Variants in CSPG4 observed in about 807,000 individuals in gnomAD.
The protein encoded by CSPG4 is chondroitin sulfate proteoglycan 4 (melanoma-associated).
A neutral mutation model predicts 139.3 loss-of-function variants in CSPG4; 74 were observed. The observed-to-expected ratio is 0.53, with a 90% confidence interval of 0.44 to 0.64. The LOEUF (loss-of-function observed/expected upper bound fraction) is 0.64, where lower values mean the gene tolerates loss of function less well. Ranked by LOEUF, CSPG4 falls within the 30% of genes least tolerant of loss-of-function variation. The probability of loss-of-function intolerance (pLI) is 0.00; values close to 1 mark genes in which losing one functional copy is unlikely to be tolerated. For missense variants in CSPG4, 2,565 were observed against 3,148.3 expected (o/e 0.81, Z 4.43); for synonymous variants, 1,234 against 1,394.2 (o/e 0.89, Z 2.56).
chr15:75,697,373 G>A (rs1894242131), intron 1 of CSPG4, among the ~76,000 whole-genome samples: 1 of 152,214 alleles, frequency 6.6e-6, no homozygotes, highest in African/African-American at 2.4e-5. Context: ...CCCTCCATGG[G>A]TGCTGAGTCC....
intron 9 of CSPG4, 56 bp from the exon 10 acceptor site, chr15:75,677,440 C>T (rs11853792): frequency 0.14 from 192,051 of 1,397,756 alleles, 14,365 homozygotes; most frequent in Middle Eastern, 0.26. Context: ...GAGTGATGGA[C>T]CCTCAGCTGG....
In CSPG4 at chr15:75,696,457, T is replaced by C; in HGVS notation, c.89-3224A>G. Among the ~76,000 whole-genome samples, 1 of 152,036 alleles carries C rather than the reference T, an allele frequency of 6.6e-6. No homozygotes were observed. The highest frequency in any genetic ancestry group is 1.5e-5 in the Non-Finnish European group (1 of 67,990). On this transcript the variant is annotated intron_variant, in intron 1 of 9. Coordinates refer to ENST00000308508, the MANE Select transcript of CSPG4 (RefSeq NM_001897.5). The surrounding 1 kb of genome is among the most constrained non-coding windows in gnomAD (Gnocchi z 4.2). ...GTGTATTTGTGTGTGCGCAAGCATG[T>C]GGGTGGCTGCTGGGGGTGTGCTTTG...
Position 75,689,380 on chromosome 15 carries a change from A to T in CSPG4, c.1685T>A (p.Leu562His). The T allele has an allele frequency of 6.2e-7, 1 of 1,612,558 alleles. No homozygotes were observed. Among genetic ancestry groups the T allele is most frequent in the Non-Finnish European group, 8.5e-7 (1 of 1,179,862 alleles). The change falls in exon 3 of 10, where the codon CTC becomes CAC. Residue 562 changes from leucine to histidine, a missense_variant. This residue lies in a region of CSPG4 where 2,316 missense variants were observed against 2,818.2 expected (regional missense o/e 0.82). Coordinates refer to ENST00000308508, the MANE Select transcript of CSPG4 (RefSeq NM_001897.5). ...CTGCGTGTGTTCCAGGATCACCATGAGGCTGCCATGTGGGAAGATGATGTG... is the reference window on the plus strand; with the variant it reads ...CTGCGTGTGTTCCAGGATCACCATGTGGCTGCCATGTGGGAAGATGATGTG... ...PPHIIFPHGS[L>H]MVILEHTQKP...
intron 5 of CSPG4, 54 bp downstream of exon 5, chr15:75,684,682 A>AC: frequency 6.4e-7 from 1 of 1,557,952 alleles, no homozygotes; most frequent in Non-Finnish European, 8.8e-7. Flanking sequence ...GAAGTAGGGG[A>AC]CGCTGGCCTC....
Position 75,689,644 on chromosome 15 carries a change from C to T in CSPG4, c.1421G>A (p.Arg474Gln), listed in dbSNP as rs200809992. 1.2e-5 allele frequency: 20 copies of T among 1,612,896 alleles called. No individual in the cohort carries two copies. Among genetic ancestry groups the T allele is most frequent in the South Asian group, 4.4e-5 (4 of 91,070 alleles). Residue 474 changes from arginine to glutamine, a missense_variant, in exon 3 of 10, where the codon CGA becomes CAA. Arg to Gln is a conservative substitution (Grantham distance 43, BLOSUM62 1). Around this residue, in one of 5 missense-constraint regions of CSPG4, gnomAD observed 2,316 missense variants for 2,818.2 expected, o/e 0.82. Transcript: ENST00000308508. ...RKSQVLFSVT[R>Q]GARHGELELD... Reference sequence around the variant, plus strand: ...CTCGAGCTCGCCATGGCGTGCCCCTCGGGTCACGCTGAACAGCACCTGGGA... The same window carrying T: ...CTCGAGCTCGCCATGGCGTGCCCCTTGGGTCACGCTGAACAGCACCTGGGA...
intron 5 of CSPG4, 76 bp from the exon 6 acceptor site, chr15:75,683,117 C>T (rs1894002323): frequency 7.0e-7 from 1 of 1,421,672 alleles, no homozygotes; most frequent in Admixed American, 1.9e-5. Flanking sequence ...GGGCTGCCAC[C>T]AGGGCTCCAG....
Position 75,674,852 on chromosome 15 carries a change from C to T in CSPG4, c.*698G>A, listed in dbSNP as rs969124023. ...GCTGCAGACCCTCCTCCATCCCACA[C>T]CCCCAGGGGCTCCATCAGTCCTGGC... On this transcript the variant is annotated 3_prime_UTR_variant, in exon 10 of 10. Coordinates refer to ENST00000308508, the MANE Select transcript of CSPG4 (RefSeq NM_001897.5). 2.5e-6 allele frequency: 1 copy of T among 398,584 alleles called. No individual in the cohort carries two copies. The highest frequency in any genetic ancestry group is 4.4e-6 in the Non-Finnish European group (1 of 226,088). The allele number at this position is 398,584 out of a possible 1,614,324, so 24.7% of individuals were successfully genotyped here.
In CSPG4 at chr15:75,687,575, C is replaced by T; in HGVS notation, c.3490G>A (p.Val1164Ile). Residue 1164 changes from valine (V) to isoleucine (I), a missense_variant, in exon 3 of 10, where the codon GTC becomes ATC. Physicochemically the swap from Val to Ile is conservative, Grantham distance 29. Around this residue, in one of 5 missense-constraint regions of CSPG4, gnomAD observed 2,316 missense variants for 2,818.2 expected, o/e 0.82. Transcript: ENST00000308508. This position sits in a 1 kb window ranked among gnomAD's most constrained non-coding sequence, Gnocchi z 5.4. Reference sequence around the variant, plus strand: ...GGGCCAGCTGTGACGTGGTAGTGGACCTCATCCCCACTGCGGATGTCGAGG... The same window carrying T: ...GGGCCAGCTGTGACGTGGTAGTGGATCTCATCCCCACTGCGGATGTCGAGG... Reference protein sequence around the residue: ...TNLDIRSGDEVHYHVTAGPRW... With the variant: ...TNLDIRSGDEIHYHVTAGPRW... 1 of 1,610,552 alleles carries T rather than the reference C, an allele frequency of 6.2e-7. No individual in the cohort carries two copies. The highest frequency in any genetic ancestry group is 1.1e-5 in the South Asian group (1 of 90,838).
At position 75,690,449 on chromosome 15, in the gene CSPG4, A is replaced by G. The variant is rs1894148550; in HGVS notation, c.616T>C (p.Phe206Leu). Residue 206 changes from phenylalanine (F) to leucine (L), a missense_variant, in exon 3 of 10, where the codon TTC (phenylalanine) becomes CTC (leucine). Phe to Leu is a conservative substitution (Grantham distance 22). Coordinates refer to ENST00000308508, the MANE Select transcript of CSPG4 (RefSeq NM_001897.5). ...GCAGCCAGAGAGTGGGGCCCAGAGA[A>G]GCCCAGGGCCACATCATCACTGGCA... Reference protein sequence around the residue: ...FSASDDVALGFSGPHSLAAFP... With the variant: ...FSASDDVALGLSGPHSLAAFP... 1 of 1,606,978 alleles carries G rather than the reference A, an allele frequency of 6.2e-7. No homozygotes were observed. Among genetic ancestry groups the G allele is most frequent in the Non-Finnish European group, 8.5e-7 (1 of 1,177,032 alleles).
intron 2 of CSPG4, among the ~76,000 whole-genome samples, chr15:75,691,582 G>C (rs1894165865): frequency 6.6e-6 from 1 of 152,152 alleles, no homozygotes; most frequent in Non-Finnish European, 1.5e-5. Flanking sequence ...AAGGCAGCCA[G>C]GCTCACTGTT....
chr15:75,698,595 G>A lies in CSPG4; in HGVS notation c.89-5362C>T, dbSNP rs1453097486. ...CATGTACACACGTGTGTGGCGGCAA[G>A]GCAGGCGAGGAAGGGGTGCGCTGGG... is the stretch of plus-strand genomic sequence containing the variant. On this transcript the variant is annotated intron_variant, in intron 1 of 9. Coordinates refer to ENST00000308508, the MANE Select transcript of CSPG4 (RefSeq NM_001897.5). This position sits in a 1 kb window ranked among gnomAD's most constrained non-coding sequence, Gnocchi z 4.3. 6.6e-6 allele frequency among the ~76,000 whole-genome samples: 1 copy of A among 152,112 alleles called. No homozygotes were observed. Among genetic ancestry groups the A allele is most frequent in the Non-Finnish European group, 1.5e-5 (1 of 68,014 alleles).
chr15:75,703,561 C>T (rs1219276825), intron 1 of CSPG4, among the ~76,000 whole-genome samples: 1 of 152,180 alleles, frequency 6.6e-6, no homozygotes, highest in Non-Finnish European at 1.5e-5. Flanking sequence ...AAGGCCCAGG[C>T]CTGTTGGAGG....
At chr15:75,679,221 G>A (rs1893936999) in intron 8 of CSPG4, 2 of 163,518 alleles carry the variant, frequency 1.2e-5, no homozygotes, top group South Asian at 1.7e-4. Flanking sequence ...CTGCACTCCC[G>A]ATCGGCCCCC....
In CSPG4 at chr15:75,678,773, C is replaced by T. The variant is rs142528793; in HGVS notation, c.4951-887G>A. On this transcript the variant is annotated intron_variant, in intron 8 of 9. Coordinates refer to ENST00000308508, the MANE Select transcript of CSPG4 (RefSeq NM_001897.5). Reference sequence around the variant, plus strand: ...CTCTCCCCCAGGCATTCTTGGGTCTCTCTACCCAGGATTTTGCTCCCCCAT... The same window carrying T: ...CTCTCCCCCAGGCATTCTTGGGTCTTTCTACCCAGGATTTTGCTCCCCCAT... 247 of 456,332 alleles carry T rather than the reference C, an allele frequency of 5.4e-4. 2 individuals are homozygous for T. Among genetic ancestry groups the T allele is most frequent in the African/African-American group, 4.7e-3 (236 of 50,222 alleles). 28.3% of individuals were successfully genotyped at this position (456,332 alleles called of 1,614,324 possible).
chr15:75,682,132 C>T (rs1475975453), intron 8 of CSPG4, among the ~76,000 whole-genome samples, 161 bp downstream of exon 8: 2 of 152,266 alleles, frequency 1.3e-5, no homozygotes, highest in African/African-American at 4.8e-5. Flanking sequence ...AGCCTGGCGG[C>T]TCCTGGAGGA....
chr15:75,700,520 G>C (rs1894288340), intron 1 of CSPG4, among the ~76,000 whole-genome samples: 1 of 152,180 alleles, frequency 6.6e-6, no homozygotes, highest in Admixed American at 6.5e-5. Context: ...ACTAGGTCCA[G>C]AAGCCAGTGA....
Position 75,688,458 on chromosome 15 carries a change from G to A in CSPG4, c.2607C>T (p.Val869=), listed in dbSNP as rs760769146. Residue 869 remains valine, a synonymous_variant, in exon 3 of 10, where the codon GTC becomes GTT. Coordinates refer to ENST00000308508, the MANE Select transcript of CSPG4 (RefSeq NM_001897.5). ...TGACACGGAAACGGAAGGTGTCCTC[G>A]ACTGCCTCTGAGGCACGTGCTGTGG... is the stretch of plus-strand genomic sequence containing the variant. ...YGATARASEA[V]EDTFRFRVTA... is the part of the protein sequence containing the mutation. 59 of 1,613,116 alleles carry A rather than the reference G, an allele frequency of 3.7e-5. No homozygotes were observed. Among genetic ancestry groups the A allele is most frequent in the African/African-American group, 8.0e-5 (6 of 74,948 alleles).
chr15:75,688,074 G>A lies in CSPG4; in HGVS notation c.2991C>T (p.Asp997=). The part of the protein sequence containing the change: ...VATRQGESSG[D]MAWEEVRGVF... ...CACCCCGTACCTCCTCCCAGGCCAT[G>A]TCACCACTGCTCTCGCCCTGGCGGG... Residue 997 remains aspartate (D), a synonymous_variant, in exon 3 of 10, where the codon GAC becomes GAT. Coordinates refer to ENST00000308508, the MANE Select transcript of CSPG4 (RefSeq NM_001897.5). 6.2e-7 allele frequency: 1 copy of A among 1,612,842 alleles called. No homozygotes were observed. The highest frequency in any genetic ancestry group is 8.5e-7 in the Non-Finnish European group (1 of 1,179,894).
chr15:75,691,511 G>C (rs1894165081), intron 2 of CSPG4, among the ~76,000 whole-genome samples: 2 of 152,206 alleles, frequency 1.3e-5, no homozygotes, highest in Non-Finnish European at 2.9e-5. Flanking sequence ...TTGGAATAAT[G>C]GGTAACTGGG....
Sources: gnomAD v4.1 joint callset for allele counts (sites outside exome capture counted in the v4.1 genomes callset) on GRCh38, gnomAD v4.1.1 for gene constraint, gnomAD v4.1.1 regional missense constraint, Gnocchi (gnomAD v3.1) non-coding constraint, MANE v1.5 for transcripts, NCBI Gene and HGNC (gene_info 2026-07-23, HGNC 2026-07-21) for gene names.